MAN1A2: variants seen among roughly 807,000 people sequenced by gnomAD.
MAN1A2 encodes the protein mannosyl-oligosaccharide 1,2-alpha-mannosidase IB.
A neutral mutation model predicts 75.7 loss-of-function variants in MAN1A2; 26 were observed. The ratio of observed to expected loss-of-function variants is 0.34; its 90% CI spans 0.25 to 0.48. The LOEUF is 0.48. MAN1A2 is among the 20% of genes least tolerant of loss of function. The pLI is 0.99. For synonymous variants in MAN1A2, 247 were observed against 264.6 expected (o/e 0.93, Z 0.65); for missense variants, 562 against 775.5 (o/e 0.72, Z 3.27).
At chr1:117,396,157 C>T (rs1241616767) in intron 1 of MAN1A2, among the ~76,000 whole-genome samples, 2 of 152,248 alleles carry the variant, frequency 1.3e-5, no homozygotes, top group Non-Finnish European at 2.9e-5. Flanking sequence ...TGGACTGATA[C>T]TGTGTAACCC....
At chr1:117,377,607 C>T (rs1014025593) in intron 1 of MAN1A2, among the ~76,000 whole-genome samples, 6 of 152,236 alleles carry the variant, frequency 3.9e-5, no homozygotes, top group African/African-American at 1.2e-4. Context: ...TTGTAAGTGA[C>T]CTAGATGTCT....
At chr1:117,502,269 CT>C (rs1651226090) in intron 11 of MAN1A2, among the ~76,000 whole-genome samples, 1 of 151,628 alleles carries the variant, frequency 6.6e-6, no homozygotes, top group Non-Finnish European at 1.5e-5. Flanking sequence ...ATTGTTAACT[CT>C]TTATATTGTA....
Position 117,466,374 on chromosome 1 carries a change from C to T in MAN1A2, c.1115C>T (p.Pro372Leu). 1 of 1,611,962 alleles carries T rather than the reference C, an allele frequency of 6.2e-7. No individual in the cohort carries two copies. The highest frequency in any genetic ancestry group is 8.5e-7 in the Non-Finnish European group (1 of 1,178,868). Residue 372 changes from proline to leucine, a missense_variant, in exon 8 of 13, where the codon CCA becomes CTA. Pro to Leu is a moderately conservative substitution (Grantham distance 98). Transcript: ENST00000356554. ...AAACTACTTCAGAAAATGGATCGTCCAAATGGTCTTTATCCAAATTATTTG... is the reference window on the plus strand; with the variant it reads ...AAACTACTTCAGAAAATGGATCGTCTAAATGGTCTTTATCCAAATTATTTG... ...IRKLLQKMDR[P>L]NGLYPNYLNP...
chr1:117,384,818 T>C (rs963261506), intron 1 of MAN1A2, among the ~76,000 whole-genome samples: 3 of 152,180 alleles, frequency 2.0e-5, no homozygotes, highest in African/African-American at 7.2e-5. Flanking sequence ...AGAATCAGGT[T>C]ATGAAGATAC....
Position 117,368,228 on chromosome 1 carries a change from A to T in MAN1A2, c.45A>T (p.Pro15=). ...ALLPLSGRRI[P]PLNLGPPSFP... ...TGCCCCTCTCTGGACGTAGGATACC[A>T]CCTCTGAACCTGGGGCCGCCTTCCT... The change falls in exon 1 of 13, where the codon CCA becomes CCT. Residue 15 remains proline (P), a synonymous_variant. Coordinates refer to ENST00000356554, the MANE Select transcript of MAN1A2 (RefSeq NM_006699.5). 6.2e-7 allele frequency: 1 copy of T among 1,614,008 alleles called. No homozygotes were observed. Among genetic ancestry groups the T allele is most frequent in the Non-Finnish European group, 8.5e-7 (1 of 1,179,976 alleles).
intron 12 of MAN1A2, among the ~76,000 whole-genome samples, chr1:117,506,908 A>G (rs1252327294): frequency 6.6e-6 from 1 of 151,570 alleles, no homozygotes; most frequent in Non-Finnish European, 1.5e-5. Flanking sequence ...GAAGAATCAG[A>G]GATAATATTA....
At chr1:117,511,927 C>T (rs939316145) in intron 12 of MAN1A2, among the ~76,000 whole-genome samples, 4 of 151,956 alleles carry the variant, frequency 2.6e-5, no homozygotes, top group Non-Finnish European at 5.9e-5. Context: ...ACGGTAGGGC[C>T]ACTCATATAC....
At chr1:117,473,537 C>T (rs1650226020) in intron 8 of MAN1A2, among the ~76,000 whole-genome samples, 1 of 151,980 alleles carries the variant, frequency 6.6e-6, no homozygotes, top group Non-Finnish European at 1.5e-5. Flanking sequence ...CCTTTTGGGG[C>T]CCTGTGATCT....
rs1651926680 is a variant in MAN1A2 at position 117,523,504 on chromosome 1, A to G, written c.*547A>G. ...GAAGACTCAAAAAAGAAACAGGAGT[A>G]CCTATCCCTATCTGAATTTTCAAGT... On this transcript the variant is annotated 3_prime_UTR_variant, in exon 13 of 13. Coordinates refer to ENST00000356554, the MANE Select transcript of MAN1A2 (RefSeq NM_006699.5). 3 of 191,124 alleles carry G rather than the reference A, an allele frequency of 1.6e-5. No homozygotes were observed. The highest frequency in any genetic ancestry group is 7.8e-5 in the South Asian group (1 of 12,756). The allele number at this position is 191,124 out of a possible 1,614,324, so 11.8% of individuals were successfully genotyped here.
chr1:117,508,253 A>AT (rs962853753), intron 12 of MAN1A2, among the ~76,000 whole-genome samples: 3 of 151,574 alleles, frequency 2.0e-5, no homozygotes, highest in Admixed American at 6.6e-5. Context: ...CATTTCAACC[A>AT]TTTTTTTCTG....
At chr1:117,506,713 A>G (rs776071864) in intron 12 of MAN1A2, among the ~76,000 whole-genome samples, 2 of 151,636 alleles carry the variant, frequency 1.3e-5, no homozygotes, top group Non-Finnish European at 3.0e-5. Flanking sequence ...AAACAAGGGA[A>G]TACTTCCTGG....
In MAN1A2 at chr1:117,473,818, A is replaced by T. The variant is rs192677824; in HGVS notation, c.1168+7391A>T. Among the ~76,000 whole-genome samples the T allele has an allele frequency of 3.7e-3, 569 of 152,130 alleles. 3 individuals are homozygous for T. The Middle Eastern group carries it at 0.044, about 12-fold the overall frequency. On this transcript the variant is annotated intron_variant, in intron 8 of 12. Coordinates refer to ENST00000356554, the MANE Select transcript of MAN1A2 (RefSeq NM_006699.5). ...GAAAATTGAAAGACATGTTTTATAGATTTCTTCCACCGAGTGGTCCATATT... is the reference window on the plus strand; with the variant it reads ...GAAAATTGAAAGACATGTTTTATAGTTTTCTTCCACCGAGTGGTCCATATT...
chr1:117,403,305 C>A (rs11586311), intron 2 of MAN1A2, among the ~76,000 whole-genome samples: 17 of 152,152 alleles, frequency 1.1e-4, no homozygotes, highest in Non-Finnish European at 2.4e-4. Context: ...ATTATAAAAC[C>A]TTGACCTTGA....
rs1000150166 is a variant in MAN1A2 at position 117,526,064 on chromosome 1, C to G, written c.*3107C>G. ...AGTTTGAAATATTAATCATCATCCT[C>G]TCATCTTCTCCACTCTCCATTGCCA... On this transcript the variant is annotated 3_prime_UTR_variant, in exon 13 of 13. Coordinates refer to ENST00000356554, the MANE Select transcript of MAN1A2 (RefSeq NM_006699.5). 4 of 151,812 alleles carry G rather than the reference C, an allele frequency of 2.6e-5. No homozygotes were observed. Among genetic ancestry groups the G allele is most frequent in the African/African-American group, 9.7e-5 (4 of 41,410 alleles). The allele number at this position is 151,812 out of a possible 1,614,324, so 9.4% of individuals were successfully genotyped here.
At chr1:117,495,102 C>G (rs1316925568) in intron 9 of MAN1A2, 1 of 151,480 alleles carries the variant, frequency 6.6e-6, no homozygotes, top group Non-Finnish European at 1.5e-5. Context: ...ATCATACATG[C>G]TTTGAAAGGC....
At chr1:117,468,605 T>A (rs1650050316) in intron 8 of MAN1A2, among the ~76,000 whole-genome samples, 1 of 152,150 alleles carries the variant, frequency 6.6e-6, no homozygotes, top group Non-Finnish European at 1.5e-5. Context: ...ACATATTAAA[T>A]TTTAATTTAA....
rs200373839 is a variant in MAN1A2, at chr1:117,457,990, TAGTGGCTCCTCATCATTCAGGTCTC to T, written c.951-2495_951-2471del. On this transcript the variant is annotated intron_variant, in intron 6 of 12. Coordinates refer to ENST00000356554, the MANE Select transcript of MAN1A2 (RefSeq NM_006699.5). The stretch of plus-strand genomic sequence containing the variant: ...ATTCTGTTCTTCCAGATATTTTCAT[TAGTGGCTCCTCATCATTCAGGTCTC>T]AGTTCAAATCATATCATTTTAGAAA... Among the ~76,000 whole-genome samples the T allele has an allele frequency of 1.9e-3, 289 of 152,310 alleles. 9 individuals are homozygous for T. In the East Asian group the frequency reaches 0.054, roughly 29 times the overall value.
chr1:117,474,191 T>A (rs567846077), intron 8 of MAN1A2, among the ~76,000 whole-genome samples: 48 of 152,120 alleles, frequency 3.2e-4, no homozygotes, highest in African/African-American at 1.1e-3. Flanking sequence ...CCAAACTTAT[T>A]TGAGAATATA....
chr1:117,504,583 A>G (rs1012700183), intron 12 of MAN1A2, among the ~76,000 whole-genome samples: 1 of 151,404 alleles, frequency 6.6e-6, no homozygotes, highest in African/African-American at 2.4e-5. Context: ...TATTCATATA[A>G]TAATGTTGTC....
Sources: gnomAD v4.1 joint callset for allele counts (sites outside exome capture counted in the v4.1 genomes callset) on GRCh38, gnomAD v4.1.1 for gene constraint, MANE v1.5 for transcripts, NCBI Gene and HGNC (gene_info 2026-07-23, HGNC 2026-07-21) for gene names.